Variants in HDAC8 observed in about 807,000 individuals in gnomAD.
The protein encoded by HDAC8 is histone deacetylase-like 1.
In HDAC8, 1 loss-of-function variant was observed where a neutral mutation model predicts 32.2. The ratio of observed to expected loss-of-function variants is 0.03; its 90% CI spans 0.01 to 0.15. The LOEUF (loss-of-function observed/expected upper bound fraction) is 0.15. HDAC8 is among the 10% of genes least tolerant of loss of function. HDAC8 has a pLI of 1.00. For missense variants in HDAC8, 117 were observed against 300.0 expected (o/e 0.39, Z 4.51); for synonymous variants, 108 against 113.9 (o/e 0.95, Z 0.33).
intron 9 of HDAC8, among the ~76,000 whole-genome samples, chrX:72,425,884 T>C (rs1294546815): frequency 1.8e-5 from 2 of 111,861 alleles, no homozygotes; most frequent in Non-Finnish European, 3.8e-5. Context: ...TTGAGTACTT[T>C]TAAAGATTTA....
chrX:72,378,461 A>G (rs1286402827), intron 9 of HDAC8, among the ~76,000 whole-genome samples: 4 of 111,949 alleles, frequency 3.6e-5, no homozygotes, highest in Non-Finnish European at 7.5e-5. Flanking sequence ...GGCCAAGTTA[A>G]AGCCAGCACC....
intron 9 of HDAC8, among the ~76,000 whole-genome samples, chrX:72,432,345 T>C (rs1000371050): frequency 3.6e-5 from 4 of 110,553 alleles, no homozygotes; most frequent in African/African-American, 1.3e-4. Flanking sequence ...CTTCTGACTC[T>C]AAGAATAAGA....
At chrX:72,337,705 A>T (rs1555943084) in intron 10 of HDAC8, among the ~76,000 whole-genome samples, 4 of 111,166 alleles carry the variant, frequency 3.6e-5, no homozygotes, top group African/African-American at 1.3e-4. Context: ...GTATTTTGTT[A>T]ATACTTAGGA....
At chrX:72,563,473 C>G (rs2051656423) in intron 4 of HDAC8, among the ~76,000 whole-genome samples, 1 of 111,120 alleles carries the variant, frequency 9.0e-6, no homozygotes, top group Non-Finnish European at 1.9e-5. Flanking sequence ...CTTTGGGGAG[C>G]AGAGGTTGCA....
At chrX:72,381,896 G>T (rs2045274760) in intron 9 of HDAC8, among the ~76,000 whole-genome samples, 1 of 112,219 alleles carries the variant, frequency 8.9e-6, no homozygotes, top group South Asian at 3.7e-4. Context: ...TCATTAGGCT[G>T]TCCCTTGCCA....
At chrX:72,572,150 A>G (rs781963484) in intron 1 of HDAC8, 41 bp from the exon 2 acceptor site, 1 of 1,113,603 alleles carries the variant, frequency 9.0e-7, no homozygotes, top group South Asian at 2.1e-5. Context: ...AAAAGCAGAA[A>G]TAGTCTCTTT....
At chrX:72,551,342 T>C (rs782404580) in intron 4 of HDAC8, among the ~76,000 whole-genome samples, 36 of 112,124 alleles carry the variant, frequency 3.2e-4, no homozygotes, top group African/African-American at 1.2e-3. Context: ...TGAAATATCA[T>C]GCAATTTTGT....
chrX:72,470,876 A>G (rs1396694872), intron 7 of HDAC8, among the ~76,000 whole-genome samples: 10 of 111,850 alleles, frequency 8.9e-5, no homozygotes, highest in Non-Finnish European at 1.5e-4. Context: ...ATACTATACA[A>G]TTCCCTCATT....
intron 4 of HDAC8, among the ~76,000 whole-genome samples, chrX:72,565,757 G>C (rs782715779): frequency 9.0e-6 from 1 of 111,600 alleles, no homozygotes; most frequent in African/African-American, 3.3e-5. Context: ...GAAGTCTTTC[G>C]TTCAGAGAAG....
chrX:72,358,768 C>T (rs1555951543), intron 9 of HDAC8, among the ~76,000 whole-genome samples: 1 of 112,129 alleles, frequency 8.9e-6, no homozygotes, highest in Non-Finnish European at 1.9e-5. Flanking sequence ...ATAATTTTTC[C>T]ACGGACCAGG....
intron 4 of HDAC8, 25 bp from the exon 5 acceptor site, chrX:72,495,293 C>T (rs374963290): frequency 1.5e-4 from 163 of 1,065,429 alleles, no homozygotes; most frequent in Admixed American, 5.6e-4. Context: ...GTTGCTACAG[C>T]CAACAGCCAA....
At chrX:72,396,200 C>A (rs1033332488) in intron 9 of HDAC8, among the ~76,000 whole-genome samples, 1 of 112,497 alleles carries the variant, frequency 8.9e-6, no homozygotes, top group Non-Finnish European at 1.9e-5. Flanking sequence ...ATTTACCCAC[C>A]GTGGCAAAGT....
intron 9 of HDAC8, among the ~76,000 whole-genome samples, chrX:72,448,595 A>C (rs967860847): frequency 7.1e-5 from 8 of 112,473 alleles, no homozygotes; most frequent in Non-Finnish European, 1.3e-4. Flanking sequence ...GGATCTAATT[A>C]AACTAAAGAG....
intron 6 of HDAC8, among the ~76,000 whole-genome samples, chrX:72,489,651 A>G (rs1379553068): frequency 3.6e-5 from 4 of 110,757 alleles, no homozygotes; most frequent in Non-Finnish European, 7.6e-5. Flanking sequence ...TAAAAACCCT[A>G]GAAGAAAACC....
At chrX:72,567,549 T>C in intron 4 of HDAC8, 2 of 436,599 alleles carry the variant, frequency 4.6e-6, no homozygotes, top group South Asian at 3.9e-5. Flanking sequence ...CAGGGGAATT[T>C]CTAGAAAGCC....
intron 9 of HDAC8, among the ~76,000 whole-genome samples, chrX:72,387,994 T>TCCC (rs2045494804): frequency 9.1e-6 from 1 of 109,980 alleles, no homozygotes. Flanking sequence ...GACATGGGGA[T>TCCC]TGGAATTTGA....
chrX:72,383,869 CAAAAAAAAAAA>C (rs782518910), intron 9 of HDAC8, among the ~76,000 whole-genome samples: 1 of 29,546 alleles, frequency 3.4e-5, no homozygotes, highest in Admixed American at 4.1e-4. Context: ...GATGCCATCT[CAAAAAAAAAAA>C]AAAAAAAAAA....
At chrX:72,379,104 C>T (rs782587879) in intron 9 of HDAC8, among the ~76,000 whole-genome samples, 6 of 111,274 alleles carry the variant, frequency 5.4e-5, no homozygotes, top group East Asian at 2.8e-4. Context: ...GTGATCCACC[C>T]GCCTTGGCCT....
intron 4 of HDAC8, among the ~76,000 whole-genome samples, chrX:72,505,523 T>C (rs2049364751): frequency 8.9e-6 from 1 of 111,810 alleles, no homozygotes; most frequent in Non-Finnish European, 1.9e-5. Context: ...GGAGATATAA[T>C]TGACTTCCTT....
Sources: gnomAD v4.1 joint callset for allele counts (sites outside exome capture counted in the v4.1 genomes callset) on GRCh38, gnomAD v4.1.1 for gene constraint, MANE v1.5 for transcripts, NCBI Gene and HGNC (gene_info 2026-07-23, HGNC 2026-07-21) for gene names.